VMA21: variants seen among roughly 807,000 people sequenced by gnomAD.
The protein encoded by VMA21 is vacuolar ATPase assembly factor VMA21.
For synonymous variants in VMA21, 47 were observed against 34.1 expected (o/e 1.38, Z -1.32); for missense variants, 61 against 80.6 (o/e 0.76, Z 0.93).
At chrX:151,397,732 G>A (rs1292957995) in intron 1 of VMA21, among the ~76,000 whole-genome samples, 1 of 112,292 alleles carries the variant, frequency 8.9e-6, no homozygotes, top group East Asian at 2.8e-4. Flanking sequence ...CATAGTCGGG[G>A]CTTAATAAAT....
chrX:151,397,121 C>G (rs1235616458), upstream of VMA21: 14 of 342,003 alleles, frequency 4.1e-5, no homozygotes, highest in African/African-American at 8.8e-5. Flanking sequence ...GCGCGCCGCG[C>G]CGCGCCGCGC....
At chrX:151,404,788 A>T in intron 2 of VMA21, 128 bp from the exon 3 acceptor site, 2 of 797,258 alleles carry the variant, frequency 2.5e-6, no homozygotes, top group Non-Finnish European at 3.6e-6. Context: ...TTACCACCCA[A>T]AATATTACTT....
chrX:151,402,828 G>A (rs921730229), intron 1 of VMA21, among the ~76,000 whole-genome samples: 6 of 106,696 alleles, frequency 5.6e-5, no homozygotes, highest in Admixed American at 4.0e-4. Context: ...GGGAGGGCAC[G>A]CTGGTGCGTC....
intron 1 of VMA21, among the ~76,000 whole-genome samples, chrX:151,401,699 T>TA (rs1364504212): frequency 8.9e-6 from 1 of 112,146 alleles, no homozygotes; most frequent in African/African-American, 3.2e-5. Flanking sequence ...ATCAGTGTTT[T>TA]ATACTTTTCA....
At chrX:151,399,932 T>C (rs1402545107) in intron 1 of VMA21, among the ~76,000 whole-genome samples, 1 of 111,622 alleles carries the variant, frequency 9.0e-6, no homozygotes, top group Non-Finnish European at 1.9e-5. Flanking sequence ...AATTTCATTG[T>C]GTATATTTGA....
At chrX:151,403,564 AG>A in intron 1 of VMA21, 66 bp from the exon 2 acceptor site, 1 of 793,302 alleles carries the variant, frequency 1.3e-6, no homozygotes, top group Non-Finnish European at 1.9e-6. Flanking sequence ...TTATAGTTTC[AG>A]GGACATAAGA....
Position 151,404,975 on chromosome X carries a change from G to A in VMA21, c.223G>A (p.Ala75Thr), listed in dbSNP as rs1464563401. 8 of 1,210,556 alleles carry A rather than the reference G, an allele frequency of 6.6e-6. No homozygotes were observed. In the South Asian group the frequency reaches 8.8e-5, roughly 13 times the overall value. Residue 75 changes from alanine (A) to threonine (T), a missense_variant, in exon 3 of 3, where the codon GCC becomes ACC. By Grantham distance (58) the Ala-to-Thr change is moderately conservative (BLOSUM62 0). Coordinates refer to ENST00000330374, the MANE Select transcript of VMA21 (RefSeq NM_001017980.4). ...YFYAAIVAVVAVHVVLALFVY... is the reference protein window; with the variant it reads ...YFYAAIVAVVTVHVVLALFVY... ...TTACGCTGCTATTGTTGCAGTGGTC[G>A]CCGTCCATGTGGTGCTGGCCCTCTT...
chrX:151,397,170 T>C (rs1053141080), upstream of VMA21: 12 of 656,546 alleles, frequency 1.8e-5, no homozygotes, highest in Non-Finnish European at 2.5e-5. Context: ...GAACGGGCAC[T>C]TCCGGCGCGA....
chrX:151,398,967 G>T (rs191374128), intron 1 of VMA21, among the ~76,000 whole-genome samples: 1 of 112,610 alleles, frequency 8.9e-6, no homozygotes, highest in African/African-American at 3.2e-5. Context: ...TAAATCAATT[G>T]AATAGCATCA....
At chrX:151,398,181 GT>G (rs34263160) in intron 1 of VMA21, among the ~76,000 whole-genome samples, 892 of 88,959 alleles carry the variant, frequency 0.01, 11 homozygotes, top group African/African-American at 0.028. Flanking sequence ...GTCATTGTGA[GT>G]TTTTTTTTTT....
Position 151,408,219 on chromosome X carries a change from A to G in VMA21, c.*3161A>G, listed in dbSNP as rs1316863462. 9.0e-6 allele frequency: 1 copy of G among 111,395 alleles called. No homozygotes were observed. Among genetic ancestry groups the G allele is most frequent in the African/African-American group, 3.3e-5 (1 of 30,550 alleles). 9.2% of individuals were successfully genotyped at this position (111,395 alleles called of 1,213,427 possible). Reference sequence around the variant, plus strand: ...ATAATTGGAACATTTTCATCATGAAAATGTCATCAGCTTTGCCAAAAGAAA... The same window carrying G: ...ATAATTGGAACATTTTCATCATGAAGATGTCATCAGCTTTGCCAAAAGAAA... On this transcript the variant is annotated 3_prime_UTR_variant, in exon 3 of 3. Transcript: ENST00000330374.
upstream of VMA21, chrX:151,396,921 C>T (rs931771684): frequency 1.1e-5 from 6 of 524,175 alleles, no homozygotes; most frequent in Non-Finnish European, 1.7e-5. Flanking sequence ...CAGGGGGCGG[C>T]GTAGCCGCCG....
At chrX:151,397,693 C>T (rs1256973595) in intron 1 of VMA21, among the ~76,000 whole-genome samples, 1 of 112,572 alleles carries the variant, frequency 8.9e-6, no homozygotes, top group African/African-American at 3.2e-5. Flanking sequence ...ATGCAGTCTC[C>T]TTCATCTCCG....
Position 151,397,281 on chromosome X carries a change from C to T in VMA21, c.-28C>T, listed in dbSNP as rs985988984. ...CGGCCGCCGAGCCCAGCTCCGCCGC[C>T]GAGCGCCTGTGCCGGCACGGCTACA... On this transcript the variant is annotated 5_prime_UTR_variant, in exon 1 of 3. Transcript: ENST00000330374. The T allele has an allele frequency of 3.5e-6, 4 of 1,153,704 alleles. No homozygotes were observed. Among genetic ancestry groups the T allele is most frequent in the South Asian group, 1.9e-5 (1 of 52,113 alleles).
At chrX:151,396,767 T>C, upstream of VMA21, 1 of 452,387 alleles carries the variant, frequency 2.2e-6, no homozygotes, top group Non-Finnish European at 3.9e-6. Flanking sequence ...CTTTTTTGTG[T>C]TGTCGTCGGC....
intron 1 of VMA21, among the ~76,000 whole-genome samples, chrX:151,403,070 G>A (rs755623524): frequency 1.8e-5 from 2 of 112,256 alleles, no homozygotes; most frequent in South Asian, 7.5e-4. Context: ...TCCAGTGTGG[G>A]AGGGTGCACA....
At chrX:151,396,646 G>A (rs2011190992), upstream of VMA21, 2 of 365,663 alleles carry the variant, frequency 5.5e-6, no homozygotes. Flanking sequence ...TTACGGACTC[G>A]GGTGAGTGTT....
At chrX:151,403,412 A>G (rs2011254173) in intron 1 of VMA21, among the ~76,000 whole-genome samples, 1 of 112,683 alleles carries the variant, frequency 8.9e-6, no homozygotes, top group African/African-American at 3.2e-5. Context: ...CTGGATATGA[A>G]TGACAGTCCC....
chrX:151,397,108 G>T (rs1344102844), upstream of VMA21: 3 of 344,065 alleles, frequency 8.7e-6, no homozygotes, highest in African/African-American at 8.9e-5. Context: ...CTGCGTCGCT[G>T]CGGCGCGCCG....
Sources: gnomAD v4.1 joint callset for allele counts (sites outside exome capture counted in the v4.1 genomes callset) on GRCh38, gnomAD v4.1.1 for gene constraint, MANE v1.5 for transcripts, NCBI Gene and HGNC (gene_info 2026-07-23, HGNC 2026-07-21) for gene names.